The following FDXR variants were observed in gnomAD, a reference collection of about 807,000 sequenced individuals.
The protein encoded by FDXR is NADPH:adrenodoxin oxidoreductase, mitochondrial.
In FDXR, 38 loss-of-function variants were observed where a neutral mutation model predicts 58.3. The observed-to-expected ratio is 0.65, with a 90% CI of 0.50 to 0.85. The LOEUF (loss-of-function observed/expected upper bound fraction) is 0.85, where lower values mean the gene tolerates loss of function less well. Ranked by LOEUF, FDXR falls within the 40% of genes least tolerant of loss-of-function variation. FDXR has a pLI of 0.00. For synonymous variants in FDXR, 275 were observed against 273.8 expected (o/e 1.00, Z -0.04); for missense variants, 624 against 671.0 (o/e 0.93, Z 0.77).
chr17:74,864,392 C>A, intron 8 of FDXR, 45 bp from the exon 9 acceptor site: 1 of 1,597,454 alleles, frequency 6.3e-7, no homozygotes, highest in Non-Finnish European at 8.5e-7. Context: ...TGGGCCCCGG[C>A]CCTCTCCCTG....
intron 6 of FDXR, 91 bp from the exon 7 acceptor site, chr17:74,865,022 AAG>A: frequency 6.3e-7 from 1 of 1,587,158 alleles, no homozygotes; most frequent in East Asian, 2.2e-5. Flanking sequence ...GGGCCTGGAG[AAG>A]GCTGGCGGCT....
At chr17:74,862,991 C>T (rs762704914) in intron 11 of FDXR, 44 bp from the exon 12 acceptor site, 1 of 1,603,708 alleles carries the variant, frequency 6.2e-7, no homozygotes, top group Non-Finnish European at 8.5e-7. Context: ...CTTCACCCCT[C>T]CCAGAACAGC....
At chr17:74,872,292 C>A (rs1228394050) in intron 1 of FDXR, 159 bp from the exon 2 acceptor site, 1 of 1,536,002 alleles carries the variant, frequency 6.5e-7, no homozygotes, top group Admixed American at 2.0e-5. Flanking sequence ...TGCAGGGTCT[C>A]TTACTTCATC....
chr17:74,870,794 TC>T (rs2038351068), intron 2 of FDXR, among the ~76,000 whole-genome samples: 18 of 84,412 alleles, frequency 2.1e-4, no homozygotes, highest in African/African-American at 1.1e-3. Context: ...ATGCACTGTC[TC>T]TCTTTTTTTT....
At chr17:74,866,028 T>C (rs1376417761) in intron 5 of FDXR, 103 bp downstream of exon 5, 3 of 1,001,240 alleles carry the variant, frequency 3.0e-6, no homozygotes, top group Non-Finnish European at 4.6e-6. Flanking sequence ...CAGCACAATG[T>C]CACAGCTCGC....
At chr17:74,865,856 T>C in intron 5 of FDXR, 36 bp from the exon 6 acceptor site, 1 of 1,505,708 alleles carries the variant, frequency 6.6e-7, no homozygotes, top group African/African-American at 1.4e-5. Context: ...TCCCCCAGCC[T>C]CGCTCCACTC....
At chr17:74,868,115 C>T (rs1480656446) in intron 2 of FDXR, 1 of 206,774 alleles carries the variant, frequency 4.8e-6, no homozygotes, top group Non-Finnish European at 9.8e-6. Context: ...TTCCCCTCCA[C>T]TCCCCTGCCT....
Position 74,872,099 on chromosome 17 carries a change from G to C in FDXR, c.114C>G (p.Thr38=), listed in dbSNP as rs149477341. 2 of 1,607,244 alleles carry C rather than the reference G, an allele frequency of 1.2e-6. No homozygotes were observed. The highest frequency in any genetic ancestry group is 2.2e-5 in the South Asian group (2 of 90,190). The part of the protein sequence containing the change: ...FCHHFSTQEK[T]PQICVVGSGP... ...CACTGCCCACCACACAGATCTGGGGGGTCTTCTCCTGTGTGGAGAAATGGT... is the reference window on the plus strand; with the variant it reads ...CACTGCCCACCACACAGATCTGGGGCGTCTTCTCCTGTGTGGAGAAATGGT... The change falls in exon 2 of 12, where the codon ACC becomes ACG. Residue 38 remains threonine (T), a synonymous_variant. Coordinates refer to ENST00000293195, the MANE Select transcript of FDXR (RefSeq NM_024417.5).
intron 2 of FDXR, among the ~76,000 whole-genome samples, chr17:74,867,375 C>T (rs2038229729): frequency 6.6e-6 from 1 of 151,152 alleles, no homozygotes. Flanking sequence ...GAAATGTGGC[C>T]AGCTGACAAG....
chr17:74,872,841 A>G, intron 1 of FDXR, 25 bp downstream of exon 1: 1 of 1,544,914 alleles, frequency 6.5e-7, no homozygotes, highest in African/African-American at 1.4e-5. Context: ...GCTCCCATCC[A>G]GCCCCAAAGG....
At chr17:74,868,226 C>A in intron 2 of FDXR, 1 of 504,802 alleles carries the variant, frequency 2.0e-6, no homozygotes, top group Non-Finnish European at 3.6e-6. Flanking sequence ...GATGTTGTAC[C>A]CACAAAGCGC....
intron 2 of FDXR, chr17:74,869,820 G>A (rs967119109): frequency 4.9e-5 from 19 of 384,068 alleles, no homozygotes; most frequent in African/African-American, 1.6e-4. Flanking sequence ...AACATGTTAC[G>A]TCCAGTAAAT....
At position 74,864,631 on chromosome 17, in the gene FDXR, C is replaced by A; in HGVS notation, c.718-67G>T. 7 of 1,505,532 alleles carry A rather than the reference C, an allele frequency of 4.6e-6. No individual in the cohort carries two copies. In the South Asian group the frequency reaches 6.9e-5, roughly 15 times the overall value. 93.3% of individuals were successfully genotyped at this position (1,505,532 alleles called of 1,614,324 possible). ...AGAACACAGTCCACCTGAGCCCACC[C>A]CAGGGTCCAGCCCAGGCAGGAGAGA... On this transcript the variant is annotated intron_variant, in intron 7 of 11. Coordinates refer to ENST00000293195, the MANE Select transcript of FDXR (RefSeq NM_024417.5).
chr17:74,865,587 G>A (rs2038146595), intron 6 of FDXR, 132 bp downstream of exon 6: 3 of 627,728 alleles, frequency 4.8e-6, no homozygotes, highest in East Asian at 5.6e-5. Flanking sequence ...GAGAGCCTCT[G>A]CCTGGGCACC....
At chr17:74,872,581 G>A (rs768801287) in intron 1 of FDXR, 5 of 665,158 alleles carry the variant, frequency 7.5e-6, no homozygotes, top group Non-Finnish European at 1.3e-5. Context: ...CTTTCCTCTC[G>A]CCCCACAGAC....
In FDXR at chr17:74,863,122, G is replaced by T; in HGVS notation, c.1299C>A (p.Gly433=). 6.2e-7 allele frequency: 1 copy of T among 1,613,644 alleles called. No homozygotes were observed. Among genetic ancestry groups the T allele is most frequent in the East Asian group, 2.2e-5 (1 of 44,884 alleles). ...GGATGGCTGCGTAGCCAGGCCTGGG[G>T]CCAGAGGGGAGCAACCCAGCCTTCA... The part of the protein sequence containing the change: ...QDLKAGLLPS[G]PRPGYAAIQA... The change falls in exon 11 of 12, where the codon GGC becomes GGA. Residue 433 remains glycine, a synonymous_variant. Coordinates refer to ENST00000293195, the MANE Select transcript of FDXR (RefSeq NM_024417.5).
Position 74,872,956 on chromosome 17 carries a change from GC to G in FDXR, c.-13del. On this transcript the variant is annotated 5_prime_UTR_variant, in exon 1 of 12. Transcript: ENST00000293195. The stretch of plus-strand genomic sequence containing the variant: ...CAGCGCGAAGCCATGGCTGGGAGCA[GC>G]AACCTGCAAGTGGATCTGTTCCTAG... 1.3e-6 allele frequency: 2 copies of G among 1,550,366 alleles called. No homozygotes were observed. Among genetic ancestry groups the G allele is most frequent in the Non-Finnish European group, 1.7e-6 (2 of 1,147,350 alleles).
chr17:74,864,574 G>T lies in FDXR; in HGVS notation c.718-10C>A. On this transcript the variant is annotated splice_polypyrimidine_tract_variant and intron_variant, in intron 7 of 11. Transcript: ENST00000293195. ...TCATCTCCCGAAGCTCCTTGAAGGT[G>T]GGAGCAGGGAATGGGGGAGGAGGTC... The T allele has an allele frequency of 6.2e-7, 1 of 1,612,466 alleles. No individual in the cohort carries two copies. Among genetic ancestry groups the T allele is most frequent in the South Asian group, 1.1e-5 (1 of 90,902 alleles).
intron 1 of FDXR, 97 bp downstream of exon 1, chr17:74,872,769 C>A: frequency 6.5e-7 from 1 of 1,536,646 alleles, no homozygotes; most frequent in African/African-American, 1.4e-5. Flanking sequence ...TCAGTCTCAC[C>A]CTTCTCCAGC....
Sources: allele counts gnomAD v4.1 joint callset (sites outside exome capture counted in the v4.1 genomes callset), GRCh38; gene constraint gnomAD v4.1.1; transcripts MANE v1.5; gene names NCBI Gene and HGNC (gene_info 2026-07-23, HGNC 2026-07-21).